The following CA10 variants were observed in gnomAD, a reference collection of about 807,000 sequenced individuals.
CA10 encodes the protein carbonic anhydrase-related protein 10.
CA10 carries 14 observed loss-of-function variants against 44.2 expected under a neutral mutation model. The ratio of observed to expected loss-of-function variants is 0.32; its 90% CI spans 0.21 to 0.50. CA10 has a LOEUF of 0.50. Among genes scored for constraint, CA10 ranks in the 20% least tolerant of loss-of-function variants. The probability of loss-of-function intolerance (pLI) is 0.99; values close to 1 mark genes in which losing one functional copy is unlikely to be tolerated. For synonymous variants in CA10, 159 were observed against 141.6 expected (o/e 1.12, Z -0.87); for missense variants, 350 against 409.7 (o/e 0.85, Z 1.26).
intron 3 of CA10, among the ~76,000 whole-genome samples, chr17:51,845,998 T>C (rs935996273): frequency 2.0e-4 from 30 of 152,070 alleles, no homozygotes; most frequent in African/African-American, 6.5e-4. Flanking sequence ...ACAGCTGGTC[T>C]CTGGTCTCCC....
upstream of CA10, among the ~76,000 whole-genome samples, chr17:52,158,970 G>A (rs1989883971): frequency 6.6e-6 from 1 of 152,138 alleles, no homozygotes. Context: ...ACAGCTTCAG[G>A]CCACCTTGGC....
intron 4 of CA10, among the ~76,000 whole-genome samples, chr17:51,712,295 T>G (rs1412198942): frequency 1.3e-5 from 2 of 152,192 alleles, no homozygotes; most frequent in African/African-American, 4.8e-5. Flanking sequence ...AAGACATGGG[T>G]TGAGCCCTTG....
At chr17:51,862,030 C>CCTTAAT (rs1979334293) in intron 3 of CA10, among the ~76,000 whole-genome samples, 1 of 152,272 alleles carries the variant, frequency 6.6e-6, no homozygotes, top group East Asian at 1.9e-4. Flanking sequence ...TTAATTTCTG[C>CCTTAAT]CTTAATTCTC....
chr17:52,100,542 A>C (rs1988514206), intron 1 of CA10, among the ~76,000 whole-genome samples: 1 of 152,236 alleles, frequency 6.6e-6, no homozygotes, highest in Non-Finnish European at 1.5e-5. Context: ...AGAAAGAGGT[A>C]AGCAACTTCT....
At chr17:52,081,446 A>G (rs1987973202) in intron 1 of CA10, among the ~76,000 whole-genome samples, 1 of 152,164 alleles carries the variant, frequency 6.6e-6, no homozygotes, top group Admixed American at 6.5e-5. Context: ...GTAGCGGCCC[A>G]AGAGAAAGGT....
At chr17:51,997,945 T>C (rs1483832954) in intron 2 of CA10, among the ~76,000 whole-genome samples, 1 of 152,044 alleles carries the variant, frequency 6.6e-6, no homozygotes, top group Non-Finnish European at 1.5e-5. Context: ...AATGTCAGCC[T>C]CCTGTGATAA....
chr17:51,741,995 G>A (rs563078107), intron 4 of CA10, among the ~76,000 whole-genome samples: 38 of 152,320 alleles, frequency 2.5e-4, no homozygotes, highest in Non-Finnish European at 4.3e-4. Context: ...CTTTTTAATA[G>A]CATCCTTTAA....
intron 1 of CA10, among the ~76,000 whole-genome samples, chr17:52,137,744 A>G (rs1412812478): frequency 6.6e-6 from 1 of 152,238 alleles, no homozygotes; most frequent in Non-Finnish European, 1.5e-5. Flanking sequence ...CGGGGTGAAT[A>G]AAGTGGGTGA....
At chr17:52,121,423 T>G (rs919391766) in intron 1 of CA10, among the ~76,000 whole-genome samples, 1 of 152,166 alleles carries the variant, frequency 6.6e-6, no homozygotes. Flanking sequence ...AAAAAAGACT[T>G]CTGCTTAGCA....
intron 3 of CA10, among the ~76,000 whole-genome samples, chr17:51,837,967 T>C (rs1978292644): frequency 6.6e-6 from 1 of 152,222 alleles, no homozygotes; most frequent in Non-Finnish European, 1.5e-5. Flanking sequence ...ATCCTTACAG[T>C]GATATTTATC....
At chr17:52,135,878 C>T (rs1567744899) in intron 1 of CA10, among the ~76,000 whole-genome samples, 3 of 152,198 alleles carry the variant, frequency 2.0e-5, no homozygotes, top group Non-Finnish European at 4.4e-5. Context: ...TTAGCATACA[C>T]ATCCAAGTTG....
At chr17:51,995,417 C>G (rs1985198724) in intron 2 of CA10, among the ~76,000 whole-genome samples, 1 of 151,934 alleles carries the variant, frequency 6.6e-6, no homozygotes, top group Non-Finnish European at 1.5e-5. Context: ...TATGGGGTAG[C>G]ATTTTTTAAA....
At chr17:51,967,333 G>GATAT (rs34446295) in intron 2 of CA10, among the ~76,000 whole-genome samples, 54,104 of 147,010 alleles carry the variant, frequency 0.37, 11,290 homozygotes, top group East Asian at 0.66. Flanking sequence ...CATTACTGGA[G>GATAT]ATATATATAT....
chr17:52,009,753 G>A (rs1276761415), intron 2 of CA10, among the ~76,000 whole-genome samples: 1 of 151,798 alleles, frequency 6.6e-6, no homozygotes, highest in Non-Finnish European at 1.5e-5. Flanking sequence ...TAAACAGATG[G>A]GACTTAATTA....
chr17:51,786,250 C>A (rs1424967236), intron 3 of CA10, among the ~76,000 whole-genome samples: 1 of 148,090 alleles, frequency 6.8e-6, no homozygotes, highest in Non-Finnish European at 1.5e-5. Flanking sequence ...GGTCTTTAGG[C>A]TTTTCCAAAT....
At chr17:51,722,874 T>C (rs1010955346) in intron 4 of CA10, among the ~76,000 whole-genome samples, 3 of 152,190 alleles carry the variant, frequency 2.0e-5, no homozygotes, top group Non-Finnish European at 4.4e-5. Flanking sequence ...CTGGTAGAAC[T>C]GGGTTAAAAA....
At chr17:51,869,242 CT>C (rs1979698278) in intron 3 of CA10, among the ~76,000 whole-genome samples, 1 of 152,150 alleles carries the variant, frequency 6.6e-6, no homozygotes, top group African/African-American at 2.4e-5. Context: ...TGAACACTAA[CT>C]TATGGCCACA....
chr17:52,016,785 T>G (rs1172274506), intron 2 of CA10, among the ~76,000 whole-genome samples: 1 of 152,054 alleles, frequency 6.6e-6, no homozygotes, highest in Non-Finnish European at 1.5e-5. Flanking sequence ...TGGTGGCACA[T>G]GCCTGTAATC....
chr17:51,664,296 T>C (rs1300795921), intron 4 of CA10, among the ~76,000 whole-genome samples: 3 of 152,144 alleles, frequency 2.0e-5, no homozygotes, highest in African/African-American at 7.2e-5. Flanking sequence ...TACGATCATA[T>C]ATGCAAAAAG....
Sources: gnomAD v4.1 joint callset for allele counts (sites outside exome capture counted in the v4.1 genomes callset) on GRCh38, gnomAD v4.1.1 for gene constraint, MANE v1.5 for transcripts, NCBI Gene and HGNC (gene_info 2026-07-23, HGNC 2026-07-21) for gene names.